WDFY4: variants seen among roughly 807,000 people sequenced by gnomAD.
WDFY4 encodes WDFY family member 4.
In WDFY4, 169 loss-of-function variants were observed where a neutral mutation model predicts 351.9. The observed-to-expected ratio is 0.48, with a 90% CI of 0.42 to 0.55. The LOEUF (loss-of-function observed/expected upper bound fraction) is 0.55. WDFY4 is among the 20% of genes least tolerant of loss of function. The pLI, the probability that WDFY4 is intolerant of heterozygous loss-of-function variation, is 0.00. For synonymous variants in WDFY4, 1,622 were observed against 1,574.6 expected (o/e 1.03, Z -0.71); for missense variants, 3,803 against 3,935.6 (o/e 0.97, Z 0.90).
chr10:48,829,319 G>A (rs182386117), intron 37 of WDFY4, among the ~76,000 whole-genome samples: 154 of 152,302 alleles, frequency 1.0e-3, no homozygotes, highest in African/African-American at 3.4e-3. Flanking sequence ...TAGTAAATGA[G>A]AAGGGATTAA....
intron 39 of WDFY4, among the ~76,000 whole-genome samples, chr10:48,840,429 C>CAT (rs1475055106): frequency 2.0e-5 from 3 of 147,328 alleles, no homozygotes; most frequent in African/African-American, 7.9e-5. Context: ...TACACATACA[C>CAT]ACACACACAC....
In WDFY4 at chr10:48,834,362, G is replaced by A. The variant is rs1265644234; in HGVS notation, c.6663+1653G>A. Reference sequence around the variant, plus strand: ...TTTGTGCTGCTGAGGAGGACCTTAGGGAATTTATGGAACCTCTCAGAGCTT... The same window carrying A: ...TTTGTGCTGCTGAGGAGGACCTTAGAGAATTTATGGAACCTCTCAGAGCTT... On this transcript the variant is annotated intron_variant, in intron 39 of 61. Coordinates refer to ENST00000325239, the MANE Select transcript of WDFY4 (RefSeq NM_001394531.1). Among the ~76,000 whole-genome samples, 12 of 152,300 alleles carry A rather than the reference G, an allele frequency of 7.9e-5. No individual in the cohort carries two copies. In the South Asian group the frequency reaches 2.3e-3, roughly 29 times the overall value.
intron 57 of WDFY4, among the ~76,000 whole-genome samples, chr10:48,974,557 T>G (rs2131854928): frequency 4.1e-5 from 5 of 123,346 alleles, no homozygotes; most frequent in Admixed American, 8.7e-5. Context: ...TGCTCCCGGG[T>G]TCAAGATAGA....
chr10:48,897,368 G>T, intron 44 of WDFY4, 86 bp from the exon 45 acceptor site: 2 of 1,499,822 alleles, frequency 1.3e-6, no homozygotes, highest in Non-Finnish European at 1.8e-6. Flanking sequence ...GGGTGGAGCT[G>T]GTGGAGGGCA....
rs151073571 is a variant in WDFY4, at chr10:48,788,458, T to C, written c.3809-72T>C. On this transcript the variant is annotated intron_variant, in intron 20 of 61. Transcript: ENST00000325239. ...ATTACTTTGCTGTGTGACAGAGATA[T>C]TAAATTGTATGAGGATTAATTTCCT... The C allele has an allele frequency of 1.4e-4, 208 of 1,483,886 alleles. 1 individual carries two copies. In the African/African-American group the frequency reaches 2.6e-3, roughly 19 times the overall value. The allele number at this position is 1,483,886 out of a possible 1,614,324, so 91.9% of individuals were successfully genotyped here. A position where few individuals can be genotyped will look rare whatever the true frequency, so the allele number is the denominator to read the frequency against.
Position 48,731,320 on chromosome 10 carries a change from A to C in WDFY4, c.1340A>C (p.His447Pro). The change falls in exon 9 of 62, where the codon CAC becomes CCC. Residue 447 changes from histidine (H) to proline (P), a missense_variant. Physicochemically the swap from His to Pro is moderately conservative, Grantham distance 77 (BLOSUM62 -2). This residue lies in a region of WDFY4 where 261 missense variants were observed against 330.2 expected (regional missense o/e 0.79). Transcript: ENST00000325239. The stretch of plus-strand genomic sequence containing the variant: ...CTGAAGCCGGCCCCAGTGCAGGAAC[A>C]CTTCTTCCAGCTTCTAGAGGCCCTG... ...MPLKPAPVQE[H>P]FFQLLEALVF... 1 of 1,551,796 alleles carries C rather than the reference A, an allele frequency of 6.4e-7. No homozygotes were observed. The highest frequency in any genetic ancestry group is 8.7e-7 in the Non-Finnish European group (1 of 1,146,994).
At chr10:48,820,087 TG>T in intron 32 of WDFY4, 146 bp from the exon 33 acceptor site, 2 of 827,398 alleles carry the variant, frequency 2.4e-6, no homozygotes, top group Non-Finnish European at 3.8e-6. Context: ...AGCTGGATCC[TG>T]GGCAAGTTGC....
At chr10:48,687,443 T>C (rs907087564) in intron 1 of WDFY4, among the ~76,000 whole-genome samples, 3 of 152,174 alleles carry the variant, frequency 2.0e-5, no homozygotes, top group African/African-American at 7.2e-5. Context: ...AAAATTATTC[T>C]CATATTATTT....
chr10:48,892,531 AG>A (rs985624825), intron 44 of WDFY4, among the ~76,000 whole-genome samples: 4 of 152,254 alleles, frequency 2.6e-5, no homozygotes, highest in Non-Finnish European at 4.4e-5. Flanking sequence ...CTTTCTCTCC[AG>A]GGTCTCATCT....
intron 47 of WDFY4, among the ~76,000 whole-genome samples, chr10:48,921,317 T>C (rs760540677): frequency 1.1e-4 from 16 of 152,182 alleles, no homozygotes; most frequent in Non-Finnish European, 2.1e-4. Flanking sequence ...TACACAAACA[T>C]GGCCAAATGG....
In WDFY4 at chr10:48,961,147, G is replaced by T. The variant is rs574251436; in HGVS notation, c.8223+1334G>T. 5.9e-5 allele frequency among the ~76,000 whole-genome samples: 9 copies of T among 152,318 alleles called. No individual in the cohort carries two copies. In the East Asian group the frequency reaches 1.7e-3, roughly 29 times the overall value. ...TGGCAACAAACCTATGCCTTTTCCT[G>T]TCCTTTTCTGCAAAGAGAAAGTTCT... On this transcript the variant is annotated intron_variant, in intron 53 of 61. Transcript: ENST00000325239.
At chr10:48,961,558 A>G (rs1319695275) in intron 53 of WDFY4, among the ~76,000 whole-genome samples, 1 of 152,228 alleles carries the variant, frequency 6.6e-6, no homozygotes, top group Non-Finnish European at 1.5e-5. Context: ...AGTTATGGAT[A>G]CTGACATGGG....
At chr10:48,959,616 C>A in intron 52 of WDFY4, 106 bp from the exon 53 acceptor site, 2 of 1,000,776 alleles carry the variant, frequency 2.0e-6, no homozygotes, top group Non-Finnish European at 3.1e-6. Flanking sequence ...AACTCACGTT[C>A]AGACCTACAC....
intron 47 of WDFY4, among the ~76,000 whole-genome samples, chr10:48,902,075 C>T (rs1667741245): frequency 6.6e-6 from 1 of 151,850 alleles, no homozygotes; most frequent in Non-Finnish European, 1.5e-5. Context: ...GTCTCACATG[C>T]CCTGTGGCTT....
intron 1 of WDFY4, among the ~76,000 whole-genome samples, chr10:48,693,240 T>G (rs570967657): frequency 6.6e-6 from 1 of 152,202 alleles, no homozygotes; most frequent in South Asian, 2.1e-4. Context: ...GCTGGAGTTG[T>G]GCTGTAAAGT....
In WDFY4 at chr10:48,969,262, AG is replaced by A; in HGVS notation, c.8769+17del. 18 of 1,550,398 alleles carry A rather than the reference AG, an allele frequency of 1.2e-5. No homozygotes were observed. The highest frequency in any genetic ancestry group is 1.6e-5 in the Non-Finnish European group (18 of 1,146,832). On this transcript the variant is annotated intron_variant, in intron 56 of 61. Transcript: ENST00000325239. ...GGCTCCGACAAGGTGAGGGGGCTGC[AG>A]GGAGCAGGGGCAGCCTCAGGACCTC...
At chr10:48,921,358 T>A (rs1839060978) in intron 47 of WDFY4, among the ~76,000 whole-genome samples, 1 of 152,188 alleles carries the variant, frequency 6.6e-6, no homozygotes, top group South Asian at 2.1e-4. Flanking sequence ...GGTCAAAGGA[T>A]GTTCAATGGA....
At chr10:48,927,412 T>A (rs1303995246) in intron 47 of WDFY4, among the ~76,000 whole-genome samples, 1 of 152,206 alleles carries the variant, frequency 6.6e-6, no homozygotes, top group Non-Finnish European at 1.5e-5. Context: ...TTGTCCAGGC[T>A]CACACAGCTG....
In WDFY4 at chr10:48,721,908, C is replaced by T. The variant is rs141120738; in HGVS notation, c.456+541C>T. 3.3e-5 allele frequency among the ~76,000 whole-genome samples: 5 copies of T among 152,300 alleles called. No individual in the cohort carries two copies. In the East Asian group the frequency reaches 7.7e-4, roughly 24 times the overall value. ...TTAGAGTCAGCCTGAACGACATTCCCTGTAGGTACCTGTCTCGCCCTCGCC... is the reference window on the plus strand; with the variant it reads ...TTAGAGTCAGCCTGAACGACATTCCTTGTAGGTACCTGTCTCGCCCTCGCC... On this transcript the variant is annotated intron_variant, in intron 4 of 61. Coordinates refer to ENST00000325239, the MANE Select transcript of WDFY4 (RefSeq NM_001394531.1).
Sources: gnomAD v4.1 joint callset for allele counts (sites outside exome capture counted in the v4.1 genomes callset) on GRCh38, gnomAD v4.1.1 for gene constraint, gnomAD v4.1.1 regional missense constraint, MANE v1.5 for transcripts, NCBI Gene and HGNC (gene_info 2026-07-23, HGNC 2026-07-21) for gene names.